CCDC6: variants seen among roughly 807,000 people sequenced by gnomAD.
CCDC6 encodes coiled-coil domain-containing protein 6.
Under a neutral mutation model 56.6 loss-of-function variants are expected in CCDC6, and 20 were observed. That is an observed-to-expected ratio of 0.35 (90% CI 0.25 to 0.51). CCDC6 has a LOEUF of 0.51. Among genes scored for constraint, CCDC6 ranks in the 20% least tolerant of loss-of-function variants. The pLI is 0.95. For missense variants in CCDC6, 367 were observed against 601.1 expected, an observed-to-expected ratio of 0.61 and a Z score of 4.07; for synonymous variants, 241 against 234.4, an observed-to-expected ratio of 1.03 and a Z score of -0.26.
chr10:59,821,796 A>G (rs961683034), intron 3 of CCDC6, among the ~76,000 whole-genome samples: 1 of 152,130 alleles, frequency 6.6e-6, no homozygotes, highest in African/African-American at 2.4e-5. Context: ...TACGCAAAAA[A>G]AATCAGAAAG....
chr10:59,898,167 C>A (rs963566839), intron 1 of CCDC6, among the ~76,000 whole-genome samples: 1 of 152,062 alleles, frequency 6.6e-6, no homozygotes, highest in Non-Finnish European at 1.5e-5. Flanking sequence ...CACCATTATT[C>A]CATGAAAGAA....
intron 6 of CCDC6, 98 bp from the exon 7 acceptor site, chr10:59,804,618 C>A: frequency 1.4e-6 from 1 of 726,080 alleles, no homozygotes; most frequent in East Asian, 2.6e-5. Flanking sequence ...ACCTTGAGGT[C>A]AAAATCCTGA....
chr10:59,843,758 C>G (rs1016543663), intron 2 of CCDC6, among the ~76,000 whole-genome samples: 3 of 152,162 alleles, frequency 2.0e-5, no homozygotes, highest in African/African-American at 4.8e-5. Flanking sequence ...CTGGGTTTAC[C>G]TTAATCCAAA....
Position 59,792,882 on chromosome 10 carries a change from GAGT to G in CCDC6, c.*32_*34del. 6.2e-7 allele frequency: 1 copy of G among 1,601,716 alleles called. No individual in the cohort carries two copies. The highest frequency in any genetic ancestry group is 8.6e-7 in the Non-Finnish European group (1 of 1,169,230). On this transcript the variant is annotated 3_prime_UTR_variant, in exon 9 of 9. Transcript: ENST00000263102. The stretch of plus-strand genomic sequence containing the variant: ...CGTTGAGTAGACGGCTCCATTGGAT[GAGT>G]CCCAACTTGAAATTCAGACTAAGCT...
At chr10:59,844,981 G>A (rs564142355) in intron 2 of CCDC6, among the ~76,000 whole-genome samples, 7 of 152,272 alleles carry the variant, frequency 4.6e-5, no homozygotes, top group South Asian at 2.1e-4. Context: ...ATATAACTCC[G>A]TATTTTAAAG....
intron 1 of CCDC6, among the ~76,000 whole-genome samples, chr10:59,866,608 A>G (rs1020794995): frequency 7.9e-5 from 12 of 152,178 alleles, no homozygotes; most frequent in African/African-American, 2.9e-4. Context: ...CTGACTCCAC[A>G]CATTTCGGCC....
intron 2 of CCDC6, among the ~76,000 whole-genome samples, chr10:59,834,503 C>A (rs2070863828): frequency 6.6e-6 from 1 of 150,418 alleles, no homozygotes; most frequent in African/African-American, 2.5e-5. Flanking sequence ...GCGGAGGTTG[C>A]AGTGAGCCAA....
At chr10:59,872,479 C>A (rs753187223) in intron 1 of CCDC6, among the ~76,000 whole-genome samples, 1 of 152,150 alleles carries the variant, frequency 6.6e-6, no homozygotes, top group Non-Finnish European at 1.5e-5. Flanking sequence ...CTTGCTCGTG[C>A]GAAGGTGTCC....
intron 1 of CCDC6, among the ~76,000 whole-genome samples, chr10:59,874,132 C>T (rs1159369326): frequency 1.3e-5 from 2 of 151,692 alleles, no homozygotes; most frequent in Non-Finnish European, 2.9e-5. Flanking sequence ...CACACACACA[C>T]ACACACACAC....
chr10:59,824,537 C>T (rs940743577), intron 3 of CCDC6, among the ~76,000 whole-genome samples: 3 of 152,174 alleles, frequency 2.0e-5, no homozygotes, highest in Admixed American at 6.5e-5. Flanking sequence ...ATCAAATTCC[C>T]ACCAAGCCGA....
chr10:59,792,518 C>G lies in CCDC6; in HGVS notation c.*399G>C. ...TATAATGAGAGGAGGGTAACAACAGCTCAGTAATTTTCTGCAGATTCATGG... is the reference window on the plus strand; with the variant it reads ...TATAATGAGAGGAGGGTAACAACAGGTCAGTAATTTTCTGCAGATTCATGG... On this transcript the variant is annotated 3_prime_UTR_variant, in exon 9 of 9. Coordinates refer to ENST00000263102, the MANE Select transcript of CCDC6 (RefSeq NM_005436.5). 1 of 493,748 alleles carries G rather than the reference C, an allele frequency of 2.0e-6. No homozygotes were observed. Among genetic ancestry groups the G allele is most frequent in the East Asian group, 4.0e-5 (1 of 24,942 alleles). The allele number at this position is 493,748 out of a possible 1,614,324, so 30.6% of individuals were successfully genotyped here.
At chr10:59,882,003 TGGGGAGAAGGAAAGGAAAGCCGC>T (rs755963752) in intron 1 of CCDC6, among the ~76,000 whole-genome samples, 32,426 of 88,806 alleles carry the variant, frequency 0.37, 13,520 homozygotes, top group Middle Eastern at 0.48. Context: ...GAAGGAAAGC[TGGGGAGAAGGAAAGGAAAGCCGC>T]GGGGAGAAGG....
At chr10:59,841,667 TTTTG>T (rs199925099) in intron 2 of CCDC6, among the ~76,000 whole-genome samples, 4,696 of 151,794 alleles carry the variant, frequency 0.031, 105 homozygotes, top group South Asian at 0.087. Flanking sequence ...GTCTTGTTTT[TTTTG>T]TTTGTTTTTT....
At chr10:59,904,381 C>T (rs566073642) in intron 1 of CCDC6, among the ~76,000 whole-genome samples, 1 of 152,306 alleles carries the variant, frequency 6.6e-6, no homozygotes, top group East Asian at 1.9e-4. Flanking sequence ...CTTTCATAGT[C>T]TCTGCATCCC....
intron 3 of CCDC6, among the ~76,000 whole-genome samples, chr10:59,819,667 T>A (rs2070736085): frequency 6.6e-6 from 1 of 152,218 alleles, no homozygotes; most frequent in Non-Finnish European, 1.5e-5. Flanking sequence ...AGCCAAGTGA[T>A]ACAGTGCTGT....
In CCDC6 at chr10:59,906,503, G is replaced by T. The variant is rs186214619; in HGVS notation, c.-79C>A. 6.4e-3 allele frequency: 8,054 copies of T among 1,264,622 alleles called. 33 individuals carry two copies. The highest frequency in any genetic ancestry group is 7.6e-3 in the Non-Finnish European group (7,345 of 961,842). 78.3% of individuals were successfully genotyped at this position (1,264,622 alleles called of 1,614,324 possible). On this transcript the variant is annotated 5_prime_UTR_variant, in exon 1 of 9. Transcript: ENST00000263102. ...AAGGCCGGGCTGCGAATGAGTGGGC[G>T]CCGGGCGAGCACAGGGGAGCGCCGA...
At chr10:59,842,243 T>C (rs7068247) in intron 2 of CCDC6, among the ~76,000 whole-genome samples, 78,184 of 151,842 alleles carry the variant, frequency 0.51, 21,904 homozygotes, top group African/African-American at 0.75. Context: ...GATGGGGTTT[T>C]ACCATGCTGG....
chr10:59,838,644 A>G (rs2070907462), intron 2 of CCDC6, among the ~76,000 whole-genome samples: 1 of 152,198 alleles, frequency 6.6e-6, no homozygotes, highest in Non-Finnish European at 1.5e-5. Flanking sequence ...TTAAAGGAAA[A>G]GCTCATGTCC....
In CCDC6 at chr10:59,829,195, C is replaced by T. The variant is rs112437896; in HGVS notation, c.582+3330G>A. 2.5e-3 allele frequency among the ~76,000 whole-genome samples: 374 copies of T among 152,326 alleles called. 4 individuals are homozygous for T. The highest frequency in any genetic ancestry group is 8.7e-3 in the African/African-American group (361 of 41,562). ...AGAAACTCAGCCCAGTTAAGTTCTG[C>T]TTTACAGAGAACAGAAAGGAGCCAA... On this transcript the variant is annotated intron_variant, in intron 3 of 8. Coordinates refer to ENST00000263102, the MANE Select transcript of CCDC6 (RefSeq NM_005436.5).
Sources: gnomAD v4.1 joint callset for allele counts (sites outside exome capture counted in the v4.1 genomes callset) on GRCh38, gnomAD v4.1.1 for gene constraint, MANE v1.5 for transcripts, NCBI Gene and HGNC (gene_info 2026-07-23, HGNC 2026-07-21) for gene names.